Variants in FANCD2OS observed in about 807,000 individuals in gnomAD.
The protein encoded by FANCD2OS is FANCD2 opposite strand.
In FANCD2OS, 11 loss-of-function variants were observed where a neutral mutation model predicts 13.2. The observed-to-expected ratio is 0.83, with a 90% CI of 0.52 to 1.38. The LOEUF is 1.38. Ranked by LOEUF, FANCD2OS falls within the 40% of genes most tolerant of loss-of-function variation. FANCD2OS has a pLI of 0.00. For missense variants in FANCD2OS, 217 were observed against 213.9 expected (o/e 1.01, Z -0.09); for synonymous variants, 69 against 84.5 (o/e 0.82, Z 1.01).
At chr3:10,088,618 C>T in intron 2 of FANCD2OS, 2 of 1,177,798 alleles carry the variant, frequency 1.7e-6, no homozygotes, top group African/African-American at 1.5e-5. Flanking sequence ...AGAGACTGGA[C>T]AAATGACCTT....
At chr3:10,101,337 C>A, downstream of FANCD2OS, 2 of 1,026,568 alleles carry the variant, frequency 1.9e-6, no homozygotes, top group Non-Finnish European at 3.1e-6. Flanking sequence ...TTGAAATCCG[C>A]TGTTTGCCTT....
At chr3:10,103,480 C>T (rs1281006920), downstream of FANCD2OS, among the ~76,000 whole-genome samples, 3 of 152,220 alleles carry the variant, frequency 2.0e-5, no homozygotes, top group South Asian at 2.1e-4. Flanking sequence ...GAGGCTGAGG[C>T]GGGAGGATCA....
exon 3 of FANCD2OS, chr3:10,081,511 T>C: frequency 8.0e-7 from 1 of 1,257,758 alleles, no homozygotes; most frequent in Non-Finnish European, 1.2e-6. Flanking sequence ...TACTTGCTTT[T>C]ATTTGACAGT....
Position 10,094,752 on chromosome 3 carries a change from A to G in FANCD2OS, c.*43+9446T>C. ...GTGTCATAAAACCCTTTGCTGTGGT[A>G]ATGAACAGTCTTGACAGTTTTTTAG... On this transcript the variant is annotated intron_variant, in intron 2 of 2. Transcript: ENST00000524279. 3 of 322,564 alleles carry G rather than the reference A, an allele frequency of 9.3e-6. No individual in the cohort carries two copies. The South Asian group carries it at 9.5e-5, about 10-fold the overall frequency. The allele number at this position is 322,564 out of a possible 1,614,324, so 20.0% of individuals were successfully genotyped here.
chr3:10,107,769 C>G (rs1381599763), intron 1 of FANCD2OS, among the ~76,000 whole-genome samples: 3 of 152,016 alleles, frequency 2.0e-5, no homozygotes, highest in Non-Finnish European at 4.4e-5. Context: ...GCAGAACCAA[C>G]ATGGGACGAG....
chr3:10,104,473 G>C lies in FANCD2OS; in HGVS notation c.302C>G (p.Ser101Cys), dbSNP rs759735487. The C allele has an allele frequency of 1.2e-5, 19 of 1,614,210 alleles. No individual in the cohort carries two copies. Among genetic ancestry groups the C allele is most frequent in the Non-Finnish European group, 1.6e-5 (19 of 1,180,034 alleles). ...PQPIRLSGVDSVFGRVITAQP... is the reference protein window; with the variant it reads ...PQPIRLSGVDCVFGRVITAQP... Reference sequence around the variant, plus strand: ...AGCTGTGATAACCCTGCCAAAGACAGAATCTACTCCACTGAGGCGGATGGG... The same window carrying C: ...AGCTGTGATAACCCTGCCAAAGACACAATCTACTCCACTGAGGCGGATGGG... Residue 101 changes from serine to cysteine, a missense_variant, in exon 2 of 2, where the codon TCT becomes TGT. Ser to Cys is a moderately radical substitution (Grantham distance 112, BLOSUM62 -1). Coordinates refer to ENST00000450660, the MANE Select transcript of FANCD2OS (RefSeq NM_001164839.2).
intron 2 of FANCD2OS, among the ~76,000 whole-genome samples, chr3:10,089,113 T>C (rs1402511278): frequency 2.0e-5 from 3 of 151,978 alleles, no homozygotes; most frequent in Admixed American, 2.0e-4. Context: ...AGTGAAACCC[T>C]GTCCCTACTA....
At chr3:10,082,218 C>G (rs775076333) in intron 2 of FANCD2OS, among the ~76,000 whole-genome samples, 1 of 152,170 alleles carries the variant, frequency 6.6e-6, no homozygotes, top group Non-Finnish European at 1.5e-5. Context: ...CTTTGTCCCT[C>G]CCTCTGCTCT....
In FANCD2OS at chr3:10,104,096, G is replaced by C. The variant is rs1695400656; in HGVS notation, c.*145C>G. On this transcript the variant is annotated 3_prime_UTR_variant, in exon 2 of 2. Transcript: ENST00000450660. ...CTTTTTTGGAGGGGAAGGGATGAAA[G>C]GGGCTCCTGAATCATCACTGCTTGA... 1.4e-6 allele frequency: 1 copy of C among 698,168 alleles called. No homozygotes were observed. Among genetic ancestry groups the C allele is most frequent in the Non-Finnish European group, 2.3e-6 (1 of 431,692 alleles). 43.2% of individuals were successfully genotyped at this position (698,168 alleles called of 1,614,324 possible). A position where few individuals can be genotyped will look rare whatever the true frequency, so the allele number is the denominator to read the frequency against.
At chr3:10,087,426 A>G (rs151231031) in intron 2 of FANCD2OS, among the ~76,000 whole-genome samples, 4 of 151,724 alleles carry the variant, frequency 2.6e-5, no homozygotes, top group East Asian at 3.9e-4. Flanking sequence ...TCCCAGAACA[A>G]CCTGACTGAT....
At position 10,093,424 on chromosome 3, in the gene FANCD2OS, C is replaced by T. The variant is rs1028570491; in HGVS notation, c.*43+10774G>A. The T allele has an allele frequency of 1.3e-5, 13 of 976,004 alleles. No homozygotes were observed. In the East Asian group the frequency reaches 1.7e-4, roughly 13 times the overall value. 60.5% of individuals were successfully genotyped at this position (976,004 alleles called of 1,614,324 possible). On this transcript the variant is annotated intron_variant, in intron 2 of 2. Transcript: ENST00000524279. Reference sequence around the variant, plus strand: ...AATTGCTCAATTTCTTGCCCACAAGCCAGAGTTTCCAGAATCTATGCCAGT... The same window carrying T: ...AATTGCTCAATTTCTTGCCCACAAGTCAGAGTTTCCAGAATCTATGCCAGT...
chr3:10,085,776 A>T, intron 2 of FANCD2OS: 1 of 1,380,622 alleles, frequency 7.2e-7, no homozygotes, highest in Non-Finnish European at 1.0e-6. Context: ...AGTTTTCCAG[A>T]AACTAAGCTA....
rs121917786 is a variant in FANCD2OS, at chr3:10,090,315, G to A, written c.*44-8784C>T. 1.9e-5 allele frequency: 30 copies of A among 1,613,394 alleles called. No homozygotes were observed. Among genetic ancestry groups the A allele is most frequent in the Non-Finnish European group, 2.3e-5 (27 of 1,179,802 alleles). Reference sequence around the variant, plus strand: ...AGGCATACTTTTGTTGTTTTCTTCCGTGTGATGATGGCTGAACTAGAGAAG... The same window carrying A: ...AGGCATACTTTTGTTGTTTTCTTCCATGTGATGATGGCTGAACTAGAGAAG... On this transcript the variant is annotated intron_variant, in intron 2 of 2. Transcript: ENST00000524279.
chr3:10,100,791 C>G (rs145393937), downstream of FANCD2OS, among the ~76,000 whole-genome samples: 3 of 152,062 alleles, frequency 2.0e-5, no homozygotes, highest in African/African-American at 7.2e-5. Flanking sequence ...CAAATTGGGC[C>G]GGGCGCAATG....
chr3:10,107,042 G>A (rs2125112377), intron 1 of FANCD2OS, among the ~76,000 whole-genome samples: 1 of 152,294 alleles, frequency 6.6e-6, no homozygotes, highest in South Asian at 2.1e-4. Flanking sequence ...AGTACTAAGT[G>A]TTCAAATATC....
At chr3:10,090,443 ATTTTTT>A (rs773716319) in intron 2 of FANCD2OS, 306 of 342,030 alleles carry the variant, frequency 8.9e-4, no homozygotes, top group Middle Eastern at 4.3e-3. Context: ...GAAGTTGCTG[ATTTTTT>A]TTTTTTTTTT....
intron 2 of FANCD2OS, among the ~76,000 whole-genome samples, chr3:10,086,979 T>C (rs1350867982): frequency 6.6e-6 from 1 of 152,180 alleles, no homozygotes; most frequent in Non-Finnish European, 1.5e-5. Flanking sequence ...ACCAAGATGC[T>C]TGAAGAGGGT....
chr3:10,098,062 G>T (rs1453886183), downstream of FANCD2OS, among the ~76,000 whole-genome samples: 2 of 152,100 alleles, frequency 1.3e-5, no homozygotes, highest in Non-Finnish European at 2.9e-5. Flanking sequence ...ACATTTTTCA[G>T]ATAGGGTAGT....
chr3:10,092,284 CA>C, intron 2 of FANCD2OS: 1 of 1,502,704 alleles, frequency 6.7e-7, no homozygotes, highest in South Asian at 1.1e-5. Flanking sequence ...CACATCTCAC[CA>C]AATAACTGCA....
Sources: gnomAD v4.1 joint callset for allele counts (sites outside exome capture counted in the v4.1 genomes callset) on GRCh38, gnomAD v4.1.1 for gene constraint, MANE v1.5 for transcripts, NCBI Gene and HGNC (gene_info 2026-07-23, HGNC 2026-07-21) for gene names.